Variants in SACS observed in about 807,000 individuals in gnomAD.
SACS encodes the protein sacsin.
SACS carries 197 observed loss-of-function variants against 348.0 expected under a neutral mutation model. The ratio of observed to expected loss-of-function variants is 0.57; its 90% CI spans 0.50 to 0.64. The LOEUF (loss-of-function observed/expected upper bound fraction) is 0.64, where lower values mean the gene tolerates loss of function less well. Among genes scored for constraint, SACS ranks in the 30% least tolerant of loss-of-function variants. The probability of loss-of-function intolerance (pLI) is 0.00; values close to 1 mark genes in which losing one functional copy is unlikely to be tolerated. For missense variants in SACS, 4,999 were observed against 5,360.8 expected (o/e 0.93, Z 2.11); for synonymous variants, 1,985 against 1,910.6 (o/e 1.04, Z -1.02).
Position 23,329,733 on chromosome 13 carries a change from T to G in SACS, c.*403A>C. The G allele has an allele frequency of 2.0e-6, 1 of 499,744 alleles. No individual in the cohort carries two copies. Among genetic ancestry groups the G allele is most frequent in the Non-Finnish European group, 3.5e-6 (1 of 286,484 alleles). 31.0% of individuals were successfully genotyped at this position (499,744 alleles called of 1,614,324 possible). ...GACTACAAAGACTTAATTCCCCTTATGTTTAAACCAATTATATGTCCAGTG... is the reference window on the plus strand; with the variant it reads ...GACTACAAAGACTTAATTCCCCTTAGGTTTAAACCAATTATATGTCCAGTG... On this transcript the variant is annotated 3_prime_UTR_variant, in exon 10 of 10. Coordinates refer to ENST00000382292, the MANE Select transcript of SACS (RefSeq NM_014363.6).
chr13:23,346,886 T>G (rs993700016), intron 9 of SACS: 2 of 738,202 alleles, frequency 2.7e-6, no homozygotes, highest in Admixed American at 6.3e-5. Flanking sequence ...ATTGTCAGTT[T>G]TCACATGATG....
Position 23,338,962 on chromosome 13 carries a change from G to A in SACS, c.4914C>T (p.Ser1638=), listed in dbSNP as rs768488250. 1.9e-6 allele frequency: 3 copies of A among 1,613,882 alleles called. No homozygotes were observed. Among genetic ancestry groups the A allele is most frequent in the South Asian group, 1.1e-5 (1 of 91,056 alleles). ...ACAGTCGGAAAAGGGTTCCATTATA[G>A]CTGTAAGGTGCTTCTACAGTCAAAG... ...QLPLTVEAPY[S]YNGTLFRLSF... The change falls in exon 10 of 10, where the codon AGC becomes AGT. Residue 1638 remains serine (S), a synonymous_variant. Transcript: ENST00000382292.
At chr13:23,390,358 A>G (rs1872482681) in intron 2 of SACS, among the ~76,000 whole-genome samples, 1 of 152,172 alleles carries the variant, frequency 6.6e-6, no homozygotes, top group African/African-American at 2.4e-5. Context: ...GATTTAACAA[A>G]TGAGATCATT....
intron 1 of SACS, among the ~76,000 whole-genome samples, chr13:23,429,085 G>C (rs1874312092): frequency 6.6e-6 from 1 of 152,082 alleles, no homozygotes; most frequent in South Asian, 2.1e-4. Flanking sequence ...TATCACATAT[G>C]AGTGAATTGT....
In SACS at chr13:23,339,227, AC is replaced by A; in HGVS notation, c.4648del (p.Val1550LeufsTer24). 6.2e-7 allele frequency: 1 copy of A among 1,609,714 alleles called. No individual in the cohort carries two copies. The highest frequency in any genetic ancestry group is 8.5e-7 in the Non-Finnish European group (1 of 1,178,304). ...RLGESLKRGE[V>X]DKVGKFGLGF... is the part of the protein sequence containing the mutation. ...AAGACCAAATTTTCCAACTTTGTCA[AC>A]TTCTCCCCTTTTTAAAGATTCTCCT... On this transcript the variant is annotated frameshift_variant, in exon 10 of 10. Coordinates refer to ENST00000382292, the MANE Select transcript of SACS (RefSeq NM_014363.6). LOFTEE classifies it high-confidence loss of function.
chr13:23,372,716 C>A (rs964810929), intron 3 of SACS, among the ~76,000 whole-genome samples: 1 of 152,102 alleles, frequency 6.6e-6, no homozygotes, highest in Admixed American at 6.5e-5. Context: ...TCATACTTCC[C>A]CCTCTGTATG....
chr13:23,385,493 G>A (rs1441788582), intron 2 of SACS, among the ~76,000 whole-genome samples: 2 of 151,960 alleles, frequency 1.3e-5, no homozygotes, highest in Non-Finnish European at 2.9e-5. Flanking sequence ...CCAAGTAGCT[G>A]GGATTACAAG....
In SACS at chr13:23,417,796, C is replaced by A. The variant is rs565622725; in HGVS notation, c.-501-6056G>T. Among the ~76,000 whole-genome samples, 5 of 152,020 alleles carry A rather than the reference C, an allele frequency of 3.3e-5. No individual in the cohort carries two copies. The South Asian group carries it at 1.0e-3, about 31-fold the overall frequency. On this transcript the variant is annotated intron_variant, in intron 1 of 9. Transcript: ENST00000382292. ...TAAAATCAAACTACAAGGCCGGGTG[C>A]GGTGGCTCACACCTGTAATCCCAGC... is the stretch of plus-strand genomic sequence containing the variant.
Position 23,341,136 on chromosome 13 carries a change from T to C in SACS, c.2740A>G (p.Ser914Gly). Residue 914 changes from serine to glycine, a missense_variant, in exon 10 of 10, where the codon AGT becomes GGT. Physicochemically the swap from Ser to Gly is moderately conservative, Grantham distance 56. Coordinates refer to ENST00000382292, the MANE Select transcript of SACS (RefSeq NM_014363.6). ...RKFLASLTDS[S>G]EKEKRIIQEL... ...TGAATAATTCTTTTCTCTTTCTCAC[T>C]GCTATCGGTTAAACTAGCCAAGAAC... is the stretch of plus-strand genomic sequence containing the variant. 6.2e-7 allele frequency: 1 copy of C among 1,613,288 alleles called. No individual in the cohort carries two copies. The highest frequency in any genetic ancestry group is 8.5e-7 in the Non-Finnish European group (1 of 1,179,936).
intron 9 of SACS, chr13:23,346,722 C>G: frequency 2.0e-6 from 1 of 498,412 alleles, no homozygotes; most frequent in Non-Finnish European, 2.6e-6. Flanking sequence ...TAATTTCTAG[C>G]TACTTAGGTA....
In SACS at chr13:23,335,748, CT is replaced by C; in HGVS notation, c.8127del (p.Val2710PhefsTer29). Reference protein sequence around the residue: ...RFPLRNAEMAKVSEISSVPAS... With the variant: ...RFPLRNAEMAXVSEISSVPAS... Reference sequence around the variant, plus strand: ...GCTGGAACAGACGAAATTTCCGAAACTTTTGCCATTTCTGCATTACGAAGAG... The same window carrying C: ...GCTGGAACAGACGAAATTTCCGAAACTTTGCCATTTCTGCATTACGAAGAG... On this transcript the variant is annotated frameshift_variant, in exon 10 of 10. Coordinates refer to ENST00000382292, the MANE Select transcript of SACS (RefSeq NM_014363.6). LOFTEE classifies it high-confidence loss of function. This position sits in a 1 kb window ranked among gnomAD's most constrained non-coding sequence, Gnocchi z 4.7. 1 of 1,614,020 alleles carries C rather than the reference CT, an allele frequency of 6.2e-7. No homozygotes were observed. Among genetic ancestry groups the C allele is most frequent in the Non-Finnish European group, 8.5e-7 (1 of 1,179,912 alleles).
chr13:23,395,696 T>C (rs1872688123), intron 2 of SACS, among the ~76,000 whole-genome samples: 1 of 152,198 alleles, frequency 6.6e-6, no homozygotes, highest in Non-Finnish European at 1.5e-5. Flanking sequence ...GTCTCCTCCA[T>C]AAATATTGGT....
At chr13:23,358,203 C>T in intron 7 of SACS, 132 bp downstream of exon 7, 1 of 901,094 alleles carries the variant, frequency 1.1e-6, no homozygotes, top group South Asian at 1.4e-5. Flanking sequence ...ATTGACATAC[C>T]TCCTGCTACT....
Position 23,331,566 on chromosome 13 carries a change from T to C in SACS, c.12310A>G (p.Met4104Val), listed in dbSNP as rs953985626. 11 of 1,613,842 alleles carry C rather than the reference T, an allele frequency of 6.8e-6. No individual in the cohort carries two copies. Among genetic ancestry groups the C allele is most frequent in the East Asian group, 2.2e-5 (1 of 44,884 alleles). ...TTGTCAGTTGCTGATTTAAGAGTCA[T>C]TGCCAATGCTAACAGGAAATTAATG... Reference protein sequence around the residue: ...KDINFLLALAMTLKSATDNLI... With the variant: ...KDINFLLALAVTLKSATDNLI... The change falls in exon 10 of 10, where the codon ATG becomes GTG. Residue 4104 changes from methionine to valine, a missense_variant. Coordinates refer to ENST00000382292, the MANE Select transcript of SACS (RefSeq NM_014363.6).
chr13:23,365,258 T>C lies in SACS; in HGVS notation c.365A>G (p.Glu122Gly). 2 of 1,607,124 alleles carry C rather than the reference T, an allele frequency of 1.2e-6. No individual in the cohort carries two copies. The highest frequency in any genetic ancestry group is 1.7e-6 in the Non-Finnish European group (2 of 1,176,384). The stretch of plus-strand genomic sequence containing the variant: ...TTTAACTTCTGTCGCCCCAGCATCT[T>C]CTGCATTCTGAATTAATTCCTAACC... ...QILKELIQNA[E>G]DAGATEVKFL... Residue 122 changes from glutamate (E) to glycine (G), a missense_variant, in exon 6 of 10, where the codon GAA becomes GGA. Around this residue, in one of 6 missense-constraint regions of SACS, gnomAD observed 3,156 missense variants for 3,380.1 expected, o/e 0.93. Coordinates refer to ENST00000382292, the MANE Select transcript of SACS (RefSeq NM_014363.6).
Position 23,337,343 on chromosome 13 carries a change from T to A in SACS, c.6533A>T (p.His2178Leu). The change falls in exon 10 of 10, where the codon CAT becomes CTT. Residue 2178 changes from histidine (H) to leucine (L), a missense_variant. Coordinates refer to ENST00000382292, the MANE Select transcript of SACS (RefSeq NM_014363.6). ...ACTACTTCTTAGGCATGCAGCAACA[T>A]GATCACTTTTATTAATTTCAGCTAC... ...VSVAEINKSD[H>L]VAACLRSSIL... is the part of the protein sequence containing the mutation. 1.2e-6 allele frequency: 2 copies of A among 1,614,014 alleles called. No homozygotes were observed. The highest frequency in any genetic ancestry group is 8.5e-7 in the Non-Finnish European group (1 of 1,179,936).
At chr13:23,404,272 G>T (rs186354934) in intron 2 of SACS, among the ~76,000 whole-genome samples, 3 of 152,064 alleles carry the variant, frequency 2.0e-5, no homozygotes. Flanking sequence ...TTCAACATAC[G>T]CAAATCAATA....
In SACS at chr13:23,410,506, T is replaced by C. The variant is rs537787818; in HGVS notation, c.20+714A>G. On this transcript the variant is annotated intron_variant, in intron 2 of 9. Transcript: ENST00000382292. The stretch of plus-strand genomic sequence containing the variant: ...GCCAAATATCAAGACGTTTTATTTG[T>C]TGATATCTTTAGGTTACAAGATGTG... Among the ~76,000 whole-genome samples, 11 of 152,372 alleles carry C rather than the reference T, an allele frequency of 7.2e-5. No individual in the cohort carries two copies. The East Asian group carries it at 2.1e-3, about 29-fold the overall frequency.
chr13:23,379,897 G>A (rs1256654459), intron 2 of SACS, among the ~76,000 whole-genome samples: 1 of 152,116 alleles, frequency 6.6e-6, no homozygotes, highest in Non-Finnish European at 1.5e-5. Context: ...CCCCAGGCAG[G>A]ACAGACACTG....
Sources: gnomAD v4.1 joint callset for allele counts (sites outside exome capture counted in the v4.1 genomes callset) on GRCh38, gnomAD v4.1.1 for gene constraint, gnomAD v4.1.1 regional missense constraint, Gnocchi (gnomAD v3.1) non-coding constraint, MANE v1.5 for transcripts, NCBI Gene and HGNC (gene_info 2026-07-23, HGNC 2026-07-21) for gene names.